The following PCDH15 variants were observed in gnomAD, a reference collection of about 807,000 sequenced individuals.
PCDH15 encodes protocadherin related 15.
Under a neutral mutation model 178.5 loss-of-function variants are expected in PCDH15, and 129 were observed. The observed-to-expected ratio is 0.72, with a 90% CI of 0.63 to 0.84. The LOEUF (loss-of-function observed/expected upper bound fraction) is 0.84. Among genes scored for constraint, PCDH15 ranks in the 40% least tolerant of loss-of-function variants. The probability of loss-of-function intolerance (pLI) is 0.00; values close to 1 mark genes in which losing one functional copy is unlikely to be tolerated. For synonymous variants in PCDH15, 800 were observed against 732.0 expected (o/e 1.09, Z -1.50); for missense variants, 2,230 against 2,099.9 (o/e 1.06, Z -1.21).
At chr10:54,298,539 A>G (rs554490702) in intron 8 of PCDH15, among the ~76,000 whole-genome samples, 3 of 152,324 alleles carry the variant, frequency 2.0e-5, no homozygotes, top group African/African-American at 7.2e-5. Flanking sequence ...AGGTTGTCCA[A>G]TGAGAAACAA....
chr10:54,449,773 C>T (rs1186404667), intron 3 of PCDH15, among the ~76,000 whole-genome samples: 2 of 151,592 alleles, frequency 1.3e-5, no homozygotes, highest in African/African-American at 4.8e-5. Context: ...AGGTTATATG[C>T]AAATACTAGG....
At chr10:53,809,137 G>A (rs745671714) in intron 37 of PCDH15, 2 of 1,613,676 alleles carry the variant, frequency 1.2e-6, no homozygotes, top group Non-Finnish European at 1.7e-6. Flanking sequence ...TTCAGGGGTG[G>A]AACTCTCCTC....
chr10:53,815,058 T>C (rs1451892979), intron 35 of PCDH15, among the ~76,000 whole-genome samples: 2 of 152,044 alleles, frequency 1.3e-5, no homozygotes, highest in African/African-American at 4.8e-5. Flanking sequence ...CTTTTTGTTG[T>C]TCCACACAGT....
intron 18 of PCDH15, among the ~76,000 whole-genome samples, chr10:54,024,528 C>G (rs557979123): frequency 4.1e-4 from 62 of 152,244 alleles, no homozygotes; most frequent in African/African-American, 1.4e-3. Context: ...ACAAGAATGT[C>G]TAAGATGTGA....
intron 11 of PCDH15, among the ~76,000 whole-genome samples, chr10:54,192,152 GAAAAA>G (rs1254751367): frequency 4.6e-4 from 24 of 52,716 alleles, no homozygotes; most frequent in African/African-American, 3.0e-3. Flanking sequence ...AAGAAAGAAA[GAAAAA>G]GAAAGAAAGA....
intron 3 of PCDH15, among the ~76,000 whole-genome samples, chr10:54,492,431 T>C (rs2079685731): frequency 6.6e-6 from 1 of 152,198 alleles, no homozygotes; most frequent in African/African-American, 2.4e-5. Context: ...TGGATTATAG[T>C]AGTTACTGTC....
At chr10:55,174,260 G>T in intron 1 of PCDH15, among the ~76,000 whole-genome samples, 1 of 152,118 alleles carries the variant, frequency 6.6e-6, no homozygotes, top group East Asian at 1.9e-4. Context: ...TTCCTAGGCA[G>T]AAAGGACTCA....
intron 3 of PCDH15, among the ~76,000 whole-genome samples, chr10:54,828,205 T>C (rs1288621469): frequency 1.3e-5 from 2 of 151,922 alleles, no homozygotes; most frequent in African/African-American, 4.8e-5. Context: ...CTTGGACCCA[T>C]ACTACCCATT....
chr10:53,997,562 A>G (rs1361998434), intron 20 of PCDH15, among the ~76,000 whole-genome samples: 1 of 152,206 alleles, frequency 6.6e-6, no homozygotes, highest in Non-Finnish European at 1.5e-5. Context: ...GGGAAATTTA[A>G]AACCTTAATG....
At chr10:55,009,758 C>G (rs932898853) in intron 2 of PCDH15, among the ~76,000 whole-genome samples, 4 of 152,174 alleles carry the variant, frequency 2.6e-5, no homozygotes, top group African/African-American at 9.6e-5. Flanking sequence ...AAGAGCGAAA[C>G]AGAATCCTTG....
chr10:55,383,372 C>T (rs772715957), intron 2 of PCDH15, among the ~76,000 whole-genome samples: 13 of 152,078 alleles, frequency 8.5e-5, no homozygotes, highest in African/African-American at 1.7e-4. Context: ...TTATGGGTAG[C>T]GGATGAGGGG....
At chr10:55,232,539 C>T (rs919116433) in intron 1 of PCDH15, among the ~76,000 whole-genome samples, 1 of 152,088 alleles carries the variant, frequency 6.6e-6, no homozygotes, top group African/African-American at 2.4e-5. Flanking sequence ...TTTCCTCCTA[C>T]TGAGTGTAGG....
intron 2 of PCDH15, among the ~76,000 whole-genome samples, chr10:54,978,954 A>T (rs574965455): frequency 2.2e-4 from 34 of 152,316 alleles, no homozygotes; most frequent in African/African-American, 7.9e-4. Flanking sequence ...AGAATGAGTT[A>T]AAAGAAAATT....
chr10:55,445,948 G>C (rs1372170519), intron 2 of PCDH15, among the ~76,000 whole-genome samples: 1 of 152,108 alleles, frequency 6.6e-6, no homozygotes, highest in East Asian at 1.9e-4. Context: ...GATGAGAGTG[G>C]TAAGTGGGGA....
At chr10:53,841,057 A>T (rs2077610635) in intron 28 of PCDH15, among the ~76,000 whole-genome samples, 1 of 152,246 alleles carries the variant, frequency 6.6e-6, no homozygotes, top group East Asian at 1.9e-4. Flanking sequence ...CAAATCTCAG[A>T]CACTATTTAG....
At chr10:53,823,203 T>A (rs755797602) in intron 32 of PCDH15, 1 of 1,614,046 alleles carries the variant, frequency 6.2e-7, no homozygotes, top group Admixed American at 1.7e-5. Flanking sequence ...TCTTGCAGAC[T>A]TCAGTTTGTT....
Position 53,873,085 on chromosome 10 carries a change from TCTTTTA to T in PCDH15, c.3502-6234_3502-6229del, listed in dbSNP as rs1050250258. Among the ~76,000 whole-genome samples the T allele has an allele frequency of 2.0e-5, 3 of 152,238 alleles. No individual in the cohort carries two copies. In the South Asian group the frequency reaches 6.2e-4, roughly 32 times the overall value. ...TCTCATTAAAATGAAATGAAACTTT[TCTTTTA>T]CTGAGTCCACACTCGTGACACTAGC... is the stretch of plus-strand genomic sequence containing the variant. On this transcript the variant is annotated intron_variant, in intron 26 of 37. Coordinates refer to ENST00000644397, the MANE Select transcript of PCDH15 (RefSeq NM_001384140.1).
chr10:55,195,493 A>T (rs867629550), intron 1 of PCDH15, among the ~76,000 whole-genome samples: 2 of 149,076 alleles, frequency 1.3e-5, no homozygotes, highest in African/African-American at 4.9e-5. Context: ...ATACAAAAAA[A>T]AAAAAAAAAA....
At chr10:54,401,585 A>G (rs1397272816) in intron 3 of PCDH15, among the ~76,000 whole-genome samples, 4 of 151,808 alleles carry the variant, frequency 2.6e-5, no homozygotes, top group African/African-American at 7.2e-5. Flanking sequence ...TGAACAAGGA[A>G]AAAAGCAAAA....
Sources: gnomAD v4.1 joint callset for allele counts (sites outside exome capture counted in the v4.1 genomes callset) on GRCh38, gnomAD v4.1.1 for gene constraint, MANE v1.5 for transcripts, NCBI Gene and HGNC (gene_info 2026-07-23, HGNC 2026-07-21) for gene names.